Variants in SLC71A2 observed in about 807,000 individuals in gnomAD.
SLC71A2 encodes hippocampus abundant transcript-like 1.
the SLC71A2 span, chr9:94,460,649 T>C: frequency 6.6e-6 from 1 of 151,468 alleles, no homozygotes; most frequent in East Asian, 1.9e-4. Flanking sequence ...TTTATAGGTA[T>C]GAAATATATG....
the SLC71A2 span, among the ~76,000 whole-genome samples, chr9:94,455,156 C>CTTTTTTTTT: frequency 5.4e-4 from 15 of 27,686 alleles, 2 homozygotes; most frequent in Non-Finnish European, 8.0e-4. Context: ...TTGCTCTTTC[C>CTTTTTTTTT]TTTTTTTTTT....
At chr9:94,457,739 TAA>T in the SLC71A2 span, among the ~76,000 whole-genome samples, 20 of 152,386 alleles carry the variant, frequency 1.3e-4, no homozygotes, top group African/African-American at 4.8e-4. Flanking sequence ...TGTCAGCATA[TAA>T]AAGTTTTGGA....
the SLC71A2 span, among the ~76,000 whole-genome samples, chr9:94,389,084 G>T: frequency 1.3e-5 from 2 of 151,728 alleles, no homozygotes; most frequent in Non-Finnish European, 2.9e-5. Flanking sequence ...CTCAGTATAT[G>T]TATGAGAGCA....
chr9:94,396,371 C>T, the SLC71A2 span, among the ~76,000 whole-genome samples: 1 of 152,058 alleles, frequency 6.6e-6, no homozygotes, highest in Non-Finnish European at 1.5e-5. Context: ...AAAAATTAGC[C>T]AGCTGTGGTG....
At chr9:94,413,844 G>A in the SLC71A2 span, among the ~76,000 whole-genome samples, 3 of 152,178 alleles carry the variant, frequency 2.0e-5, no homozygotes, top group South Asian at 2.1e-4. Context: ...TAATTGGGTC[G>A]TCTAAGATGG....
chr9:94,458,648 T>C, the SLC71A2 span, among the ~76,000 whole-genome samples: 1 of 142,114 alleles, frequency 7.0e-6, no homozygotes, highest in African/African-American at 2.6e-5. Flanking sequence ...TAATATCTTA[T>C]GTAAAAGATA....
chr9:94,413,659 CAAAAAAA>C, the SLC71A2 span, among the ~76,000 whole-genome samples: 1 of 101,984 alleles, frequency 9.8e-6, no homozygotes. Context: ...GACTTCATCT[CAAAAAAA>C]AAAAAAAAAA....
chr9:94,454,276 C>G, the SLC71A2 span, among the ~76,000 whole-genome samples: 1 of 152,196 alleles, frequency 6.6e-6, no homozygotes, highest in Admixed American at 6.5e-5. Flanking sequence ...TGTCATTGGA[C>G]TTTCACGGAA....
At chr9:94,384,665 A>G in the SLC71A2 span, among the ~76,000 whole-genome samples, 1 of 152,004 alleles carries the variant, frequency 6.6e-6, no homozygotes, top group Non-Finnish European at 1.5e-5. Flanking sequence ...AAATTGGGTC[A>G]TTTGCGTTTT....
chr9:94,458,183 C>G, the SLC71A2 span: 1 of 598,070 alleles, frequency 1.7e-6, no homozygotes, highest in Non-Finnish European at 2.7e-6. Context: ...TCTTCCTAAT[C>G]TACTTTCATT....
chr9:94,375,072 A>G, the SLC71A2 span: 100 of 459,492 alleles, frequency 2.2e-4, 1 homozygote, highest in Middle Eastern at 6.6e-4. Flanking sequence ...CGAATTCATC[A>G]CGAATACAGG....
At chr9:94,441,521 G>T in the SLC71A2 span, among the ~76,000 whole-genome samples, 1 of 152,108 alleles carries the variant, frequency 6.6e-6, no homozygotes, top group East Asian at 1.9e-4. Flanking sequence ...CTCCCACCAG[G>T]CCCCACCTTC....
chr9:94,381,313 G>A, the SLC71A2 span, among the ~76,000 whole-genome samples: 1 of 150,962 alleles, frequency 6.6e-6, no homozygotes, highest in Admixed American at 6.6e-5. Context: ...TGGGATTACA[G>A]GCGTGAGCTA....
At chr9:94,377,180 A>G in the SLC71A2 span, among the ~76,000 whole-genome samples, 1 of 151,150 alleles carries the variant, frequency 6.6e-6, no homozygotes, top group Non-Finnish European at 1.5e-5. Flanking sequence ...CCCCTGAATT[A>G]TGTGTTTTTC....
the SLC71A2 span, among the ~76,000 whole-genome samples, chr9:94,383,987 A>G: frequency 6.6e-6 from 1 of 152,244 alleles, no homozygotes; most frequent in Non-Finnish European, 1.5e-5. Flanking sequence ...TTTTTAAAAA[A>G]TTGTTTAATT....
At chr9:94,387,048 A>G in the SLC71A2 span, among the ~76,000 whole-genome samples, 1 of 151,346 alleles carries the variant, frequency 6.6e-6, no homozygotes, top group East Asian at 1.9e-4. Context: ...ATTTTGCCCC[A>G]TACTCGGTGG....
chr9:94,435,074 A>G, the SLC71A2 span, among the ~76,000 whole-genome samples: 1 of 152,074 alleles, frequency 6.6e-6, no homozygotes, highest in Non-Finnish European at 1.5e-5. Flanking sequence ...CCTCACTTTC[A>G]TCTTTCTTGG....
chr9:94,420,782 C>A, the SLC71A2 span, among the ~76,000 whole-genome samples: 1 of 151,766 alleles, frequency 6.6e-6, no homozygotes, highest in Admixed American at 6.6e-5. Flanking sequence ...GCCTGTAGTC[C>A]CAGCTACTTG....
chr9:94,458,603 C>T, the SLC71A2 span: 3 of 803,082 alleles, frequency 3.7e-6, no homozygotes, highest in African/African-American at 5.3e-5. Context: ...GTGTTCATTG[C>T]TTCTCGGGAT....
Sources: allele counts gnomAD v4.1 joint callset (sites outside exome capture counted in the v4.1 genomes callset), GRCh38; gene constraint gnomAD v4.1.1; transcripts MANE v1.5; gene names NCBI Gene and HGNC (gene_info 2026-07-23, HGNC 2026-07-21).